The following SLC25A24 variants were observed in gnomAD, a reference collection of about 807,000 sequenced individuals.
The protein encoded by SLC25A24 is mitochondrial adenyl nucleotide antiporter SLC25A24.
Under a neutral mutation model 60.7 loss-of-function variants are expected in SLC25A24, and 49 were observed. That is an observed-to-expected ratio of 0.81 (90% confidence interval 0.64 to 1.02). The LOEUF is 1.02. Ranked by LOEUF, SLC25A24 falls within the 50% of genes least tolerant of loss-of-function variation. SLC25A24 has a pLI of 0.00. For missense variants in SLC25A24, 564 were observed against 586.3 expected (o/e 0.96, Z 0.39); for synonymous variants, 202 against 200.6 (o/e 1.01, Z -0.06).
chr1:108,192,660 C>A (rs765143532), intron 1 of SLC25A24: 1 of 1,481,626 alleles, frequency 6.7e-7, no homozygotes, highest in Non-Finnish European at 9.0e-7. Flanking sequence ...CCTGAGTGAG[C>A]CCCAGCGGGG....
At chr1:108,138,320 A>C (rs1558005733) in intron 9 of SLC25A24, among the ~76,000 whole-genome samples, 1 of 152,182 alleles carries the variant, frequency 6.6e-6, no homozygotes, top group African/African-American at 2.4e-5. Flanking sequence ...TGTGGCTGGC[A>C]CTTGGAAGGG....
intron 3 of SLC25A24, among the ~76,000 whole-genome samples, chr1:108,179,729 T>C (rs1339074823): frequency 6.6e-6 from 1 of 152,138 alleles, no homozygotes; most frequent in Non-Finnish European, 1.5e-5. Context: ...GAGTCGGGTA[T>C]GGTTTGTGTT....
chr1:108,193,067 GGCTATT>G lies in SLC25A24; in HGVS notation c.183+6883_183+6888del, dbSNP rs1468981511. Among the ~76,000 whole-genome samples, 4 of 139,946 alleles carry G rather than the reference GGCTATT, an allele frequency of 2.9e-5. 1 individual carries two copies. Among genetic ancestry groups the G allele is most frequent in the Non-Finnish European group, 4.7e-5 (3 of 63,768 alleles). The allele number at this position is 139,946 out of a possible 152,430, so 91.8% of individuals were successfully genotyped here. A position where few individuals can be genotyped will look rare whatever the true frequency, so the allele number is the denominator to read the frequency against. ...AGTAGGTTGGGAATGTTGGGACATG[GGCTATT>G]GCAGCATAAGTGACTGGCGGTGGCG... is the stretch of plus-strand genomic sequence containing the variant. On this transcript the variant is annotated intron_variant, in intron 1 of 9. Coordinates refer to ENST00000565488, the MANE Select transcript of SLC25A24 (RefSeq NM_013386.5).
At chr1:108,170,622 T>C (rs10218769) in intron 3 of SLC25A24, among the ~76,000 whole-genome samples, 67,009 of 151,754 alleles carry the variant, frequency 0.44, 14,990 homozygotes, top group Middle Eastern at 0.59. Flanking sequence ...AGCTTAAAAA[T>C]TGTATATCCT....
chr1:108,199,919 C>G (rs1292595577), intron 1 of SLC25A24, 37 bp downstream of exon 1: 1 of 1,541,332 alleles, frequency 6.5e-7, no homozygotes, highest in Non-Finnish European at 8.8e-7. Flanking sequence ...GCCCGCAGCC[C>G]TCCCTACGCT....
chr1:108,187,927 G>GATAGATATATATAAATATATATATAT, intron 1 of SLC25A24, among the ~76,000 whole-genome samples: 1 of 95,748 alleles, frequency 1.0e-5, no homozygotes, highest in Non-Finnish European at 2.1e-5. Flanking sequence ...AGACATTATA[G>GATAGATATATATAAATATATATATAT]ATATATATAT....
chr1:108,167,799 G>A (rs1305322749), intron 3 of SLC25A24, among the ~76,000 whole-genome samples: 1 of 152,176 alleles, frequency 6.6e-6, no homozygotes, highest in Non-Finnish European at 1.5e-5. Flanking sequence ...TTCCTATTCA[G>A]CCATCTTCGC....
At position 108,195,354 on chromosome 1, in the gene SLC25A24, G is replaced by A. The variant is rs527968149; in HGVS notation, c.183+4602C>T. Among the ~76,000 whole-genome samples the A allele has an allele frequency of 2.0e-5, 3 of 152,306 alleles. No individual in the cohort carries two copies. In the East Asian group the frequency reaches 5.8e-4, roughly 29 times the overall value. On this transcript the variant is annotated intron_variant, in intron 1 of 9. Coordinates refer to ENST00000565488, the MANE Select transcript of SLC25A24 (RefSeq NM_013386.5). ...AATGTACATGGCTGTGGCCTAGTCA[G>A]GGAATATGGCATGTTGGGAGTTTGG...
rs1041153607 is a variant in SLC25A24, at chr1:108,161,312, G to C, written c.399-19C>G. On this transcript the variant is annotated intron_variant, in intron 3 of 9. Transcript: ENST00000565488. Reference sequence around the variant, plus strand: ...ATCAATGCTGAAATTTTAAAAAAATGATCAAAGTACAAAACTAAATTGATA... The same window carrying C: ...ATCAATGCTGAAATTTTAAAAAAATCATCAAAGTACAAAACTAAATTGATA... 7.8e-7 allele frequency: 1 copy of C among 1,274,430 alleles called. No homozygotes were observed. Among genetic ancestry groups the C allele is most frequent in the Non-Finnish European group, 1.1e-6 (1 of 878,124 alleles). The allele number at this position is 1,274,430 out of a possible 1,614,324, so 78.9% of individuals were successfully genotyped here.
intron 1 of SLC25A24, among the ~76,000 whole-genome samples, chr1:108,191,109 G>A (rs1399508583): frequency 7.2e-6 from 1 of 139,144 alleles, no homozygotes; most frequent in Non-Finnish European, 1.6e-5. Context: ...ATATAAGAGT[G>A]TCTTTAAACA....
At chr1:108,146,505 G>T (rs1679598385) in intron 7 of SLC25A24, among the ~76,000 whole-genome samples, 1 of 152,136 alleles carries the variant, frequency 6.6e-6, no homozygotes, top group African/African-American at 2.4e-5. Context: ...GTTTTCAAAG[G>T]GAATGCTTCC....
intron 3 of SLC25A24, among the ~76,000 whole-genome samples, chr1:108,162,048 T>A (rs1680102374): frequency 6.6e-6 from 1 of 151,204 alleles, no homozygotes; most frequent in Non-Finnish European, 1.5e-5. Context: ...TATGCGGTGT[T>A]TGGTTTTTTG....
At chr1:108,141,519 T>C (rs749963056) in intron 8 of SLC25A24, among the ~76,000 whole-genome samples, 28 of 152,280 alleles carry the variant, frequency 1.8e-4, no homozygotes, top group African/African-American at 5.8e-4. Flanking sequence ...TCTGAGTATA[T>C]GTCAAAAAGA....
In SLC25A24 at chr1:108,194,078, A is replaced by G. The variant is rs746856449; in HGVS notation, c.183+5878T>C. On this transcript the variant is annotated intron_variant, in intron 1 of 9. Coordinates refer to ENST00000565488, the MANE Select transcript of SLC25A24 (RefSeq NM_013386.5). The stretch of plus-strand genomic sequence containing the variant: ...AAAAGTTGAATATTAAAATTCAAAA[A>G]GAAAATTTAATTTAGCCATTATCTG... 1.4e-5 allele frequency among the ~76,000 whole-genome samples: 2 copies of G among 139,488 alleles called. 1 individual carries two copies. The highest frequency in any genetic ancestry group is 3.1e-5 in the Non-Finnish European group (2 of 63,800). The allele number at this position is 139,488 out of a possible 152,430, so 91.5% of individuals were successfully genotyped here.
intron 6 of SLC25A24, among the ~76,000 whole-genome samples, chr1:108,154,415 A>G (rs1377168930): frequency 6.6e-6 from 1 of 152,212 alleles, no homozygotes; most frequent in African/African-American, 2.4e-5. Context: ...AAATAATCCA[A>G]GTTAACAAAA....
chr1:108,189,882 TATGTATATATAGAGAGA>T (rs1648286684), intron 1 of SLC25A24, among the ~76,000 whole-genome samples: 1 of 148,534 alleles, frequency 6.7e-6, no homozygotes, highest in African/African-American at 2.5e-5. Context: ...TATATATATA[TATGTATATATAGAGAGA>T]GTATATATAG....
intron 3 of SLC25A24, among the ~76,000 whole-genome samples, chr1:108,162,854 C>T (rs1680127908): frequency 6.6e-6 from 1 of 150,470 alleles, no homozygotes; most frequent in South Asian, 2.1e-4. Flanking sequence ...GTGTTTTAGA[C>T]ATGAAGTCCT....
chr1:108,161,248 T>C lies in SLC25A24; in HGVS notation c.444A>G (p.Arg148=). 6.2e-7 allele frequency: 1 copy of C among 1,605,096 alleles called. No individual in the cohort carries two copies. The highest frequency in any genetic ancestry group is 8.5e-7 in the Non-Finnish European group (1 of 1,172,768). The change falls in exon 4 of 10, where the codon AGA becomes AGG. Residue 148 remains arginine (R), a synonymous_variant. Coordinates refer to ENST00000565488, the MANE Select transcript of SLC25A24 (RefSeq NM_013386.5). ...TAACAGGATTAAATAAGAAGTAGTC[T>C]CTCCATTCATTCCAGTCCACTGTCA... ...GTMTVDWNEW[R]DYFLFNPVTD...
In SLC25A24 at chr1:108,192,855, C is replaced by A. The variant is rs112793973; in HGVS notation, c.184-6901G>T. 9 of 983,380 alleles carry A rather than the reference C, an allele frequency of 9.2e-6. No homozygotes were observed. The African/African-American group carries it at 1.1e-4, about 12-fold the overall frequency. 60.9% of individuals were successfully genotyped at this position (983,380 alleles called of 1,614,324 possible). On this transcript the variant is annotated intron_variant, in intron 1 of 9. Coordinates refer to ENST00000565488, the MANE Select transcript of SLC25A24 (RefSeq NM_013386.5). Reference sequence around the variant, plus strand: ...GCGAGCGCGCAGGACCCGGGACCTGCGTGGGACCGCACTCTGGGCTGCGCT... The same window carrying A: ...GCGAGCGCGCAGGACCCGGGACCTGAGTGGGACCGCACTCTGGGCTGCGCT...
Sources: gnomAD v4.1 joint callset for allele counts (sites outside exome capture counted in the v4.1 genomes callset) on GRCh38, gnomAD v4.1.1 for gene constraint, MANE v1.5 for transcripts, NCBI Gene and HGNC (gene_info 2026-07-23, HGNC 2026-07-21) for gene names.